The following VTI1A variants were observed in gnomAD, a reference collection of about 807,000 sequenced individuals.
The protein encoded by VTI1A is vesicle transport through interaction with t-SNAREs homolog 1A.
VTI1A carries 22 observed loss-of-function variants against 34.9 expected under a neutral mutation model. The observed-to-expected ratio is 0.63, with a 90% CI of 0.45 to 0.90. VTI1A has a LOEUF of 0.90. Ranked by LOEUF, VTI1A falls within the 40% of genes least tolerant of loss-of-function variation. The pLI is 0.00. For missense variants in VTI1A, 268 were observed against 275.6 expected, an observed-to-expected ratio of 0.97 and a Z score of 0.20; for synonymous variants, 87 against 97.3, an observed-to-expected ratio of 0.89 and a Z score of 0.62.
chr10:112,853,669 C>G, the VTI1A span, among the ~76,000 whole-genome samples: 2 of 152,200 alleles, frequency 1.3e-5, 1 homozygote, highest in Admixed American at 1.3e-4. Flanking sequence ...TTGAGTCACA[C>G]AGATGGGTGA....
At chr10:112,566,694 T>C (rs1287595119) in intron 5 of VTI1A, among the ~76,000 whole-genome samples, 1 of 152,152 alleles carries the variant, frequency 6.6e-6, no homozygotes, top group Non-Finnish European at 1.5e-5. Context: ...TAGCAAACGT[T>C]ATGAAAGTAT....
At chr10:112,584,152 T>C (rs972512465) in intron 5 of VTI1A, among the ~76,000 whole-genome samples, 2 of 152,234 alleles carry the variant, frequency 1.3e-5, no homozygotes, top group Admixed American at 1.3e-4. Context: ...TATAGATTTA[T>C]GTATCCTTTT....
intron 2 of VTI1A, among the ~76,000 whole-genome samples, chr10:112,463,642 C>T (rs963465825): frequency 6.8e-6 from 1 of 146,434 alleles, no homozygotes. Context: ...AAAAAAAAAG[C>T]GCCTTGCTGT....
At chr10:112,584,471 T>TG (rs1402426518) in intron 5 of VTI1A, among the ~76,000 whole-genome samples, 1 of 152,184 alleles carries the variant, frequency 6.6e-6, no homozygotes, top group Non-Finnish European at 1.5e-5. Flanking sequence ...TAATATATTG[T>TG]GGGTTCACTT....
chr10:112,789,336 A>G (rs1852389443), intron 7 of VTI1A, among the ~76,000 whole-genome samples: 1 of 152,104 alleles, frequency 6.6e-6, no homozygotes, highest in Non-Finnish European at 1.5e-5. Flanking sequence ...TAAGTCCCCC[A>G]CCTCACCCTT....
intron 5 of VTI1A, among the ~76,000 whole-genome samples, chr10:112,640,989 A>G (rs1040034600): frequency 6.6e-6 from 1 of 152,142 alleles, no homozygotes; most frequent in African/African-American, 2.4e-5. Context: ...GCATATTCAG[A>G]TTGGCTGTTT....
intron 7 of VTI1A, among the ~76,000 whole-genome samples, chr10:112,766,602 G>A (rs1181712627): frequency 1.3e-5 from 2 of 151,220 alleles, no homozygotes; most frequent in Non-Finnish European, 2.9e-5. Flanking sequence ...CTTCAAAGAG[G>A]AGAGAAAAAT....
At chr10:112,828,966 A>G in the VTI1A span, among the ~76,000 whole-genome samples, 2 of 152,134 alleles carry the variant, frequency 1.3e-5, no homozygotes, top group Non-Finnish European at 2.9e-5. Flanking sequence ...CCAGAGCCCA[A>G]GGGTACTAAG....
intron 3 of VTI1A, among the ~76,000 whole-genome samples, chr10:112,498,685 C>T (rs1849114265): frequency 6.6e-6 from 1 of 152,034 alleles, no homozygotes; most frequent in African/African-American, 2.4e-5. Context: ...TTTGAGTTTA[C>T]TCATATGGGG....
At chr10:112,448,519 T>C (rs989396908) in intron 1 of VTI1A, 3 of 152,236 alleles carry the variant, frequency 2.0e-5, no homozygotes, top group Non-Finnish European at 2.9e-5. Context: ...TTTGTAACTA[T>C]GGTTTGTACA....
chr10:112,572,261 A>G (rs753705618), intron 5 of VTI1A, among the ~76,000 whole-genome samples: 3 of 152,244 alleles, frequency 2.0e-5, no homozygotes, highest in Non-Finnish European at 4.4e-5. Flanking sequence ...TCATCATCAA[A>G]TAAAATGAAG....
intron 5 of VTI1A, among the ~76,000 whole-genome samples, chr10:112,597,887 C>CGG (rs2134458317): frequency 1.3e-5 from 2 of 150,876 alleles, no homozygotes; most frequent in South Asian, 4.2e-4. Context: ...TTAGTAGAGG[C>CGG]GGGGTTTCAC....
At chr10:112,715,290 A>G (rs1442254047) in intron 7 of VTI1A, among the ~76,000 whole-genome samples, 3 of 152,194 alleles carry the variant, frequency 2.0e-5, no homozygotes, top group East Asian at 3.9e-4. Context: ...GAATAATCTA[A>G]ACACTGAAAA....
intron 2 of VTI1A, among the ~76,000 whole-genome samples, chr10:112,464,018 G>A (rs1847814806): frequency 6.6e-6 from 1 of 152,100 alleles, no homozygotes; most frequent in African/African-American, 2.4e-5. Context: ...TTTTTGAGAT[G>A]GAGTCTTGCT....
chr10:112,613,515 G>A (rs1387354771), intron 5 of VTI1A, among the ~76,000 whole-genome samples: 1 of 151,900 alleles, frequency 6.6e-6, no homozygotes, highest in Non-Finnish European at 1.5e-5. Context: ...TTCTCTCTCG[G>A]CCTCTTTTTT....
At chr10:112,847,466 C>A in the VTI1A span, among the ~76,000 whole-genome samples, 530 of 152,296 alleles carry the variant, frequency 3.5e-3, 2 homozygotes, top group African/African-American at 0.011. Flanking sequence ...AAAAGTCTGA[C>A]AAGCAAAGCC....
At chr10:112,783,629 A>T (rs1423979819) in intron 7 of VTI1A, among the ~76,000 whole-genome samples, 1 of 152,238 alleles carries the variant, frequency 6.6e-6, no homozygotes, top group Non-Finnish European at 1.5e-5. Context: ...CAACAGCTTC[A>T]GTAATATAAT....
chr10:112,473,671 A>C (rs1198709787), intron 3 of VTI1A, among the ~76,000 whole-genome samples: 2 of 152,172 alleles, frequency 1.3e-5, no homozygotes, highest in African/African-American at 4.8e-5. Flanking sequence ...TCTTAATAAA[A>C]TATGCCTGGA....
chr10:112,771,587 G>A (rs1328192226), intron 7 of VTI1A, among the ~76,000 whole-genome samples: 1 of 152,190 alleles, frequency 6.6e-6, no homozygotes, highest in Non-Finnish European at 1.5e-5. Flanking sequence ...CCCATTTAAA[G>A]TATACAATTC....
Sources: gnomAD v4.1 joint callset for allele counts (sites outside exome capture counted in the v4.1 genomes callset) on GRCh38, gnomAD v4.1.1 for gene constraint, MANE v1.5 for transcripts, NCBI Gene and HGNC (gene_info 2026-07-23, HGNC 2026-07-21) for gene names.